Variants in DHRS9 observed in about 807,000 individuals in gnomAD.
The protein encoded by DHRS9 is dehydrogenase/reductase 9.
Under a neutral mutation model 26.6 loss-of-function variants are expected in DHRS9, and 18 were observed. The ratio of observed to expected loss-of-function variants is 0.68; its 90% CI spans 0.47 to 1.00. The LOEUF is 1.00. Among genes scored for constraint, DHRS9 ranks in the 50% least tolerant of loss-of-function variants. DHRS9 has a pLI of 0.00. For missense variants in DHRS9, 425 were observed against 378.7 expected, an observed-to-expected ratio of 1.12 and a Z score of -1.01; for synonymous variants, 134 against 141.1, an observed-to-expected ratio of 0.95 and a Z score of 0.36.
chr2:169,077,992 A>G (rs1326547339), intron 1 of DHRS9, among the ~76,000 whole-genome samples: 2 of 152,188 alleles, frequency 1.3e-5, no homozygotes, highest in African/African-American at 4.8e-5. Context: ...CATGGACAAG[A>G]TGTGAAGTGT....
intron 1 of DHRS9, 134 bp from the exon 2 acceptor site, chr2:169,081,389 A>G: frequency 1.6e-6 from 2 of 1,214,192 alleles, no homozygotes; most frequent in Non-Finnish European, 2.2e-6. Flanking sequence ...ACAAACAACC[A>G]AATAAGAGTT....
intron 1 of DHRS9, chr2:169,074,474 C>T (rs1361153244): frequency 1.0e-6 from 1 of 984,712 alleles, no homozygotes; most frequent in African/African-American, 1.7e-5. Flanking sequence ...CAGGTCAGTT[C>T]CTGGAGTTTC....
upstream of DHRS9, among the ~76,000 whole-genome samples, chr2:169,068,405 C>T (rs576743628): frequency 9.9e-5 from 15 of 152,234 alleles, no homozygotes; most frequent in Middle Eastern, 3.4e-3. Context: ...TTGGCTCACA[C>T]GCAACTTGGC....
intron 1 of DHRS9, among the ~76,000 whole-genome samples, chr2:169,075,154 A>G (rs1337191254): frequency 2.6e-5 from 4 of 152,226 alleles, no homozygotes; most frequent in Non-Finnish European, 5.9e-5. Context: ...TATTTTGTGC[A>G]TGACATCCAA....
At chr2:169,091,710 C>T (rs1006695150) in intron 3 of DHRS9, 80 bp from the exon 4 acceptor site, 15 of 1,402,706 alleles carry the variant, frequency 1.1e-5, no homozygotes, top group South Asian at 5.6e-5. Context: ...TGAAAAGATT[C>T]GTGAGAAAAT....
At chr2:169,083,721 A>G (rs1168914660) in intron 3 of DHRS9, 134 bp downstream of exon 3, 1 of 983,968 alleles carries the variant, frequency 1.0e-6, no homozygotes, top group African/African-American at 1.6e-5. Context: ...GGTACATAGT[A>G]GGTATATATA....
intron 4 of DHRS9, among the ~76,000 whole-genome samples, chr2:169,092,257 C>G (rs960972576): frequency 6.6e-6 from 1 of 152,184 alleles, no homozygotes. Context: ...CTCAAGATTA[C>G]ACAACACCTC....
At chr2:169,072,513 A>T (rs1428432675) in intron 1 of DHRS9, 6 of 634,188 alleles carry the variant, frequency 9.5e-6, no homozygotes, top group Non-Finnish European at 1.2e-5. Flanking sequence ...TATTTTTAAG[A>T]AACAGAGGAA....
At chr2:169,084,361 C>T (rs1026494777) in intron 3 of DHRS9, among the ~76,000 whole-genome samples, 7 of 152,052 alleles carry the variant, frequency 4.6e-5, no homozygotes, top group African/African-American at 1.4e-4. Flanking sequence ...TACCCAGCAG[C>T]GGTATTGCTG....
At position 169,081,832 on chromosome 2, in the gene DHRS9, T is replaced by C. The variant is rs769101385; in HGVS notation, c.251T>C (p.Val84Ala). The C allele has an allele frequency of 1.2e-6, 2 of 1,613,984 alleles. No individual in the cohort carries two copies. The highest frequency in any genetic ancestry group is 2.2e-5 in the South Asian group (2 of 91,048). ...SERLRTVLLDVTDPENVKRTA... is the reference protein window; with the variant it reads ...SERLRTVLLDATDPENVKRTA... The stretch of plus-strand genomic sequence containing the variant: ...AGACTTCGTACTGTGCTTCTGGATG[T>C]GACCGACCCAGAGAATGTCAAGAGG... The change falls in exon 2 of 5, where the codon GTG becomes GCG. Residue 84 changes from valine (V) to alanine (A), a missense_variant. By Grantham distance (64) the Val-to-Ala change is moderately conservative (BLOSUM62 0). Transcript: ENST00000674881.
At chr2:169,090,180 G>C (rs1684477124) in intron 3 of DHRS9, among the ~76,000 whole-genome samples, 1 of 152,190 alleles carries the variant, frequency 6.6e-6, no homozygotes, top group Non-Finnish European at 1.5e-5. Flanking sequence ...CTATATATAG[G>C]AGGGTTTAGG....
At chr2:169,078,815 CTTTTTTTTTTTTTT>C (rs200691133) in intron 1 of DHRS9, among the ~76,000 whole-genome samples, 1 of 110,366 alleles carries the variant, frequency 9.1e-6, no homozygotes, top group Admixed American at 9.3e-5. Flanking sequence ...TATCAACTGA[CTTTTTTTTTTTTTT>C]TTTTTTTTTT....
chr2:169,075,636 C>T (rs564019917), intron 1 of DHRS9, among the ~76,000 whole-genome samples: 1 of 152,076 alleles, frequency 6.6e-6, no homozygotes, highest in African/African-American at 2.4e-5. Context: ...TCACATATTG[C>T]ATTTGGTTGT....
At chr2:169,074,387 G>A (rs1028668297) in intron 1 of DHRS9, 2 of 985,296 alleles carry the variant, frequency 2.0e-6, no homozygotes, top group African/African-American at 3.5e-5. Context: ...CTCGAGCCAA[G>A]AGATTTACGC....
chr2:169,074,296 C>T (rs1683895949), intron 1 of DHRS9: 2 of 985,274 alleles, frequency 2.0e-6, no homozygotes, highest in South Asian at 9.4e-5. Context: ...TGTCCGAGGG[C>T]CCTCTGATGA....
intron 1 of DHRS9, chr2:169,074,224 C>T (rs1424144110): frequency 1.0e-6 from 1 of 965,764 alleles, no homozygotes; most frequent in African/African-American, 1.8e-5. Context: ...CCAGTACTCT[C>T]CAAGGTAGAT....
At chr2:169,067,144 A>C (rs750609394), upstream of DHRS9, 21 of 1,535,388 alleles carry the variant, frequency 1.4e-5, no homozygotes, top group South Asian at 2.5e-4. Flanking sequence ...GGATTACATC[A>C]TTATGCCAGA....
upstream of DHRS9, chr2:169,069,527 C>T (rs970494620): frequency 1.8e-4 from 181 of 985,192 alleles, no homozygotes; most frequent in South Asian, 2.8e-4. Flanking sequence ...ACTCACAGAG[C>T]AAGGAGAGAA....
intron 1 of DHRS9, among the ~76,000 whole-genome samples, chr2:169,075,365 T>G (rs1280082691): frequency 6.6e-6 from 1 of 152,186 alleles, no homozygotes; most frequent in Non-Finnish European, 1.5e-5. Context: ...GGTTTTAATG[T>G]TTATTTATAT....
Sources: allele counts gnomAD v4.1 joint callset (sites outside exome capture counted in the v4.1 genomes callset), GRCh38; gene constraint gnomAD v4.1.1; transcripts MANE v1.5; gene names NCBI Gene and HGNC (gene_info 2026-07-23, HGNC 2026-07-21).